Variants in TIMM17B observed in about 807,000 individuals in gnomAD.
TIMM17B encodes the protein translocase of inner mitochondrial membrane 17B.
In TIMM17B, 10 loss-of-function variants were observed where a neutral mutation model predicts 15.9. The observed-to-expected ratio is 0.63, with a 90% CI of 0.39 to 1.06. TIMM17B has a LOEUF of 1.06. Among genes scored for constraint, TIMM17B ranks in the 50% least tolerant of loss-of-function variants. The pLI, the probability that TIMM17B is intolerant of heterozygous loss-of-function variation, is 0.01. For missense variants in TIMM17B, 114 were observed against 152.2 expected (o/e 0.75, Z 1.32); for synonymous variants, 57 against 57.2 (o/e 1.00, Z 0.02).
rs2063315585 is a variant in TIMM17B at position 48,896,632 on chromosome X, T to C, written c.126+127A>G. ...AGATACAGGAGCCAGGCTCGGCACA[T>C]AGTAGGTGAGTGGGCACCAGAATGA... On this transcript the variant is annotated intron_variant, in intron 3 of 6. Transcript: ENST00000376582. 4.5e-6 allele frequency: 5 copies of C among 1,117,160 alleles called. No homozygotes were observed. The South Asian group carries it at 6.5e-5, about 15-fold the overall frequency. The allele number at this position is 1,117,160 out of a possible 1,213,427, so 92.1% of individuals were successfully genotyped here.
rs1297851084 is a variant in TIMM17B, at chrX:48,896,772, C to T, written c.113G>A (p.Arg38His). Reference sequence around the variant, plus strand: ...GCCTGGACTCACAACAGGGGCATTGCGGAAACCCTTGATGGCCTGGAAGAC... The same window carrying T: ...GCCTGGACTCACAACAGGGGCATTGTGGAAACCCTTGATGGCCTGGAAGAC... Residue 38 changes from arginine to histidine, a missense_variant, in exon 3 of 7, where the codon CGC (arginine) becomes CAC (histidine). Transcript: ENST00000376582. The T allele has an allele frequency of 2.5e-6, 3 of 1,208,378 alleles. No homozygotes were observed. The African/African-American group carries it at 5.3e-5, about 21-fold the overall frequency.
At chrX:48,896,827 C>T in exon 3 of TIMM17B, 1 of 1,210,469 alleles carries the variant, frequency 8.3e-7, no homozygotes. Context: ...ATAGTGAAGG[C>T]TCCACCGCAA....
exon 6 of TIMM17B, chrX:48,893,944 A>G (rs782302646): frequency 2.5e-6 from 3 of 1,209,241 alleles, no homozygotes; most frequent in African/African-American, 3.5e-5. Context: ...GAGGATGCCA[A>G]CGCCCTCAAT....
intron 2 of TIMM17B, chrX:48,897,259 G>A (rs1032810064): frequency 6.3e-5 from 14 of 222,743 alleles, no homozygotes; most frequent in East Asian, 5.0e-4. Flanking sequence ...GTCCAACCAT[G>A]CCCCGCCCCT....
intron 3 of TIMM17B, chrX:48,896,261 G>A (rs1182178777): frequency 8.9e-6 from 1 of 112,529 alleles, no homozygotes; most frequent in Non-Finnish European, 1.9e-5. Context: ...AGAGTTCAAG[G>A]CCAGCCTGGC....
exon 1 of TIMM17B, chrX:48,898,126 C>A: frequency 5.9e-6 from 6 of 1,015,861 alleles, no homozygotes; most frequent in East Asian, 8.7e-5. Flanking sequence ...GGAGGAAGTG[C>A]TGCCCTCTGC....
intron 2 of TIMM17B, chrX:48,897,429 G>T: frequency 5.5e-6 from 2 of 364,098 alleles, no homozygotes; most frequent in Non-Finnish European, 4.8e-6. Flanking sequence ...GGTCAACACC[G>T]TACCACCCCT....
chrX:48,893,552 A>G (rs2063293068), exon 7 of TIMM17B: 1 of 389,218 alleles, frequency 2.6e-6, no homozygotes. Context: ...CCTGAGAGAG[A>G]AAAAGGGGAC....
chrX:48,896,696 A>G (rs1305578600), intron 3 of TIMM17B, 63 bp downstream of exon 2: 54 of 1,197,784 alleles, frequency 4.5e-5, no homozygotes, highest in Non-Finnish European at 5.7e-5. Context: ...CAGTTTTCAG[A>G]GCAGCCTCCC....
Position 48,897,722 on chromosome X carries a change from ACCAGGG to A in TIMM17B, c.22_26+1del. On this transcript the variant is annotated splice_donor_variant and coding_sequence_variant, in exon 2 of 7. Coordinates refer to ENST00000376582, the Ensembl canonical transcript of TIMM17B. LOFTEE classifies it high-confidence loss of function. ...TCCGGATGCCTGTGCCCATTGCCGT[ACCAGGG>A]CTCCCGAGCGTACTCCTCCATGGCG... is the stretch of plus-strand genomic sequence containing the variant. The A allele has an allele frequency of 8.3e-7, 1 of 1,206,977 alleles. No individual in the cohort carries two copies. The highest frequency in any genetic ancestry group is 1.1e-6 in the Non-Finnish European group (1 of 891,640).
intron 2 of TIMM17B, 106 bp downstream of exon 1, chrX:48,897,618 C>T: frequency 1.5e-6 from 1 of 645,613 alleles, no homozygotes; most frequent in Non-Finnish European, 2.5e-6. Context: ...AAGAGTCCCC[C>T]GAGTCTGGTA....
chrX:48,896,046 G>A (rs1271157551), intron 3 of TIMM17B: 1 of 111,790 alleles, frequency 8.9e-6, no homozygotes, highest in East Asian at 2.8e-4. Flanking sequence ...CAGCTACTTG[G>A]GAGGCTGAGG....
chrX:48,895,829 G>A (rs939474080), intron 3 of TIMM17B: 4 of 196,503 alleles, frequency 2.0e-5, no homozygotes, highest in African/African-American at 1.2e-4. Context: ...TCCTCTATCC[G>A]GGTTTCTGAG....
intron 3 of TIMM17B, chrX:48,895,371 GCC>G: frequency 1.9e-6 from 1 of 516,146 alleles, no homozygotes. Flanking sequence ...CAAGCACCAT[GCC>G]ATATGCAGGG....
At chrX:48,897,744 C>G in exon 2 of TIMM17B, 1 of 1,209,859 alleles carries the variant, frequency 8.3e-7, no homozygotes, top group Non-Finnish European at 1.1e-6. Context: ...GAGCGTACTC[C>G]TCCATGGCGC....
exon 4 of TIMM17B, chrX:48,895,079 C>G: frequency 8.3e-7 from 1 of 1,201,005 alleles, no homozygotes; most frequent in South Asian, 1.8e-5. Context: ...ATTGGCACTA[C>G]CTCTCAACCG....
Position 48,897,003 on chromosome X carries a change from GTTCTGTCACGCTTT to G in TIMM17B, c.27-159_27-146del, listed in dbSNP as rs1452525257. On this transcript the variant is annotated intron_variant, in intron 2 of 6. Transcript: ENST00000376582. ...AAACACTTCAGATAATAATGAGCTA[GTTCTGTCACGCTTT>G]TTCCACACACCCCCCCATTAAAGCG... is the stretch of plus-strand genomic sequence containing the variant. The G allele has an allele frequency of 2.8e-6, 3 of 1,081,398 alleles. No homozygotes were observed. In the East Asian group the frequency reaches 1.0e-4, roughly 36 times the overall value. 89.1% of individuals were successfully genotyped at this position (1,081,398 alleles called of 1,213,427 possible). A position where few individuals can be genotyped will look rare whatever the true frequency, so the allele number is the denominator to read the frequency against.
intron 3 of TIMM17B, 140 bp from the exon 3 acceptor site, chrX:48,895,241 T>C: frequency 1.9e-6 from 1 of 533,753 alleles, no homozygotes; most frequent in Non-Finnish European, 3.2e-6. Flanking sequence ...CAAGAACTAG[T>C]GGCCTGGAGA....
At chrX:48,893,711 A>G in exon 7 of TIMM17B, 1 of 1,137,510 alleles carries the variant, frequency 8.8e-7, no homozygotes, top group Non-Finnish European at 1.2e-6. Flanking sequence ...AGTAGCTCCC[A>G]TGGTGGCAGT....
Sources: gnomAD v4.1 joint callset for allele counts on GRCh38, gnomAD v4.1.1 for gene constraint, MANE v1.5 for transcripts, NCBI Gene and HGNC (gene_info 2026-07-23, HGNC 2026-07-21) for gene names.